Variants in PARP8 observed in about 807,000 individuals in gnomAD.
The protein encoded by PARP8 is protein mono-ADP-ribosyltransferase PARP8.
PARP8 carries 51 observed loss-of-function variants against 124.1 expected under a neutral mutation model. The ratio of observed to expected loss-of-function variants is 0.41; its 90% CI spans 0.33 to 0.52. The LOEUF (loss-of-function observed/expected upper bound fraction) is 0.52. Among genes scored for constraint, PARP8 ranks in the 20% least tolerant of loss-of-function variants. The pLI, the probability that PARP8 is intolerant of heterozygous loss-of-function variation, is 0.21. For synonymous variants in PARP8, 391 were observed against 361.5 expected (o/e 1.08, Z -0.93); for missense variants, 860 against 1,018.9 (o/e 0.84, Z 2.12).
At chr5:50,780,016 A>G (rs1237664090) in intron 9 of PARP8, among the ~76,000 whole-genome samples, 2 of 152,204 alleles carry the variant, frequency 1.3e-5, no homozygotes, top group Admixed American at 1.3e-4. Flanking sequence ...ATAAATATGT[A>G]ATAAGAAAAG....
At chr5:50,787,729 A>C (rs191516746) in intron 9 of PARP8, among the ~76,000 whole-genome samples, 1 of 152,068 alleles carries the variant, frequency 6.6e-6, no homozygotes, top group African/African-American at 2.4e-5. Flanking sequence ...GACTTTTTTG[A>C]GAGAAGTTAT....
intron 3 of PARP8, among the ~76,000 whole-genome samples, chr5:50,756,317 T>A (rs1422531834): frequency 6.6e-6 from 1 of 152,140 alleles, no homozygotes; most frequent in Non-Finnish European, 1.5e-5. Context: ...TGGCTGTGGG[T>A]TTGTCATAGA....
intron 3 of PARP8, among the ~76,000 whole-genome samples, chr5:50,758,787 T>A (rs1318739966): frequency 6.6e-6 from 1 of 152,214 alleles, no homozygotes; most frequent in Non-Finnish European, 1.5e-5. Context: ...CTAAGAATTG[T>A]ATTACCATAT....
At chr5:50,680,033 G>A (rs956581719) in intron 2 of PARP8, among the ~76,000 whole-genome samples, 3 of 152,136 alleles carry the variant, frequency 2.0e-5, no homozygotes, top group Non-Finnish European at 2.9e-5. Flanking sequence ...TATACATACA[G>A]CCTGAATGAA....
intron 10 of PARP8, among the ~76,000 whole-genome samples, chr5:50,792,122 A>G (rs1742028657): frequency 6.6e-6 from 1 of 152,112 alleles, no homozygotes; most frequent in Non-Finnish European, 1.5e-5. Flanking sequence ...TGTATACTTT[A>G]CCTTGAAATT....
chr5:50,769,999 T>G (rs2149592147), intron 7 of PARP8, among the ~76,000 whole-genome samples: 1 of 152,244 alleles, frequency 6.6e-6, no homozygotes, highest in East Asian at 1.9e-4. Context: ...GTACTGTTTT[T>G]ACTCTTGATT....
At chr5:50,679,471 TA>T (rs1751032565) in intron 2 of PARP8, among the ~76,000 whole-genome samples, 1 of 152,214 alleles carries the variant, frequency 6.6e-6, no homozygotes, top group Admixed American at 6.5e-5. Flanking sequence ...TATTGAAAAT[TA>T]AATAATTTCT....
intron 2 of PARP8, among the ~76,000 whole-genome samples, chr5:50,673,172 G>T (rs1750232864): frequency 6.6e-6 from 1 of 152,166 alleles, no homozygotes; most frequent in African/African-American, 2.4e-5. Context: ...GGGTGGCTGT[G>T]GGGAGGGAGT....
rs183818896 is a variant in PARP8, at chr5:50,804,170, G to T, written c.1575+6937G>T. 4.1e-4 allele frequency among the ~76,000 whole-genome samples: 63 copies of T among 152,200 alleles called. 1 individual carries two copies. The highest frequency in any genetic ancestry group is 3.1e-3 in the Admixed American group (47 of 15,252). On this transcript the variant is annotated intron_variant, in intron 14 of 25. Coordinates refer to ENST00000281631, the MANE Select transcript of PARP8 (RefSeq NM_024615.4). The stretch of plus-strand genomic sequence containing the variant: ...TTTGATTATTCTGTTGTTTGCCTCA[G>T]TTGTTATCTGTTGCCTCACACAACT...
chr5:50,811,881 T>C (rs1337685435), intron 14 of PARP8, among the ~76,000 whole-genome samples: 1 of 152,180 alleles, frequency 6.6e-6, no homozygotes, highest in Non-Finnish European at 1.5e-5. Context: ...GAATGATGAT[T>C]TCCAGCTTCA....
chr5:50,704,369 G>T (rs1013919689), intron 2 of PARP8, among the ~76,000 whole-genome samples: 1 of 152,084 alleles, frequency 6.6e-6, no homozygotes, highest in African/African-American at 2.4e-5. Context: ...TGATTTTTCT[G>T]CCGTCTTTGA....
intron 22 of PARP8, among the ~76,000 whole-genome samples, chr5:50,831,333 C>T (rs536825128): frequency 1.3e-5 from 2 of 152,124 alleles, no homozygotes; most frequent in South Asian, 4.2e-4. Context: ...ATTCTTTAGC[C>T]CCTCAAAGTA....
intron 15 of PARP8, among the ~76,000 whole-genome samples, chr5:50,817,452 C>A (rs1745227853): frequency 6.6e-6 from 1 of 152,102 alleles, no homozygotes; most frequent in South Asian, 2.1e-4. Context: ...CAAAAAGAAA[C>A]CACCTCAGGA....
intron 2 of PARP8, chr5:50,669,083 G>A (rs1325267084): frequency 3.3e-5 from 5 of 152,138 alleles, no homozygotes; most frequent in Non-Finnish European, 5.9e-5. Context: ...TTAAAAACAC[G>A]TAGGATCTGT....
intron 2 of PARP8, among the ~76,000 whole-genome samples, chr5:50,695,363 A>G (rs190218127): frequency 1.1e-4 from 17 of 152,268 alleles, no homozygotes; most frequent in African/African-American, 3.9e-4. Flanking sequence ...TGAAGTAACA[A>G]CCTAGTGCAG....
chr5:50,836,377 G>C lies in PARP8; in HGVS notation c.2462+1362G>C, dbSNP rs149781549. On this transcript the variant is annotated intron_variant, in intron 25 of 25. Transcript: ENST00000281631. ...TCCAAACAAGAAACAGATGACCCAT[G>C]AAAAATATTTTTGGGTCATCCACAA... Among the ~76,000 whole-genome samples the C allele has an allele frequency of 3.2e-4, 49 of 152,200 alleles. No individual in the cohort carries two copies. The East Asian group carries it at 9.3e-3, about 29-fold the overall frequency.
chr5:50,753,014 G>A (rs1034118194), intron 3 of PARP8, among the ~76,000 whole-genome samples: 4 of 151,944 alleles, frequency 2.6e-5, no homozygotes, highest in African/African-American at 9.7e-5. Context: ...ATATATAATA[G>A]CATGTATATA....
intron 2 of PARP8, among the ~76,000 whole-genome samples, chr5:50,746,791 C>CTGAGGCA (rs1380279617): frequency 6.6e-6 from 1 of 152,118 alleles, no homozygotes; most frequent in Non-Finnish European, 1.5e-5. Context: ...CTTTAGAAGG[C>CTGAGGCA]TGAGGCAGGA....
At chr5:50,829,325 AT>A (rs1746691070) in intron 21 of PARP8, among the ~76,000 whole-genome samples, 1 of 152,190 alleles carries the variant, frequency 6.6e-6, no homozygotes, top group African/African-American at 2.4e-5. Context: ...TTATGATGAC[AT>A]TTTAGATGAT....
Sources: gnomAD v4.1 joint callset for allele counts (sites outside exome capture counted in the v4.1 genomes callset) on GRCh38, gnomAD v4.1.1 for gene constraint, MANE v1.5 for transcripts, NCBI Gene and HGNC (gene_info 2026-07-23, HGNC 2026-07-21) for gene names.